The following ZCCHC9 variants were observed in gnomAD, a reference collection of about 807,000 sequenced individuals.
The protein encoded by ZCCHC9 is zinc finger CCHC domain-containing protein 9.
ZCCHC9 carries 18 observed loss-of-function variants against 30.8 expected under a neutral mutation model. The ratio of observed to expected loss-of-function variants is 0.58; its 90% CI spans 0.40 to 0.87. The LOEUF (loss-of-function observed/expected upper bound fraction) is 0.87, where lower values mean the gene tolerates loss of function less well. Among genes scored for constraint, ZCCHC9 ranks in the 40% least tolerant of loss-of-function variants. The probability of loss-of-function intolerance (pLI) is 0.00; values close to 1 mark genes in which losing one functional copy is unlikely to be tolerated. For missense variants in ZCCHC9, 279 were observed against 331.2 expected (o/e 0.84, Z 1.22); for synonymous variants, 94 against 106.7 (o/e 0.88, Z 0.73).
chr5:81,311,165 C>A, intron 4 of ZCCHC9, 46 bp from the exon 5 acceptor site: 1 of 1,604,716 alleles, frequency 6.2e-7, no homozygotes, highest in Non-Finnish European at 8.5e-7. Context: ...GTTAAAAACC[C>A]CTTGCAAGTA....
intron 4 of ZCCHC9, 106 bp downstream of exon 4, chr5:81,309,144 A>G: frequency 1.2e-6 from 1 of 819,990 alleles, no homozygotes; most frequent in Non-Finnish European, 1.9e-6. Context: ...ATAAATTGCA[A>G]AACCTTGAGA....
In ZCCHC9 at chr5:81,312,716, C is replaced by T; in HGVS notation, c.*54C>T. The T allele has an allele frequency of 7.4e-7, 1 of 1,348,642 alleles. No individual in the cohort carries two copies. Among genetic ancestry groups the T allele is most frequent in the South Asian group, 1.2e-5 (1 of 81,830 alleles). 83.5% of individuals were successfully genotyped at this position (1,348,642 alleles called of 1,614,324 possible). ...CCTCATTGTTACTTTCTAAACCAGG[C>T]CCGCTTCACGAGTTAGAGTTGAGCT... On this transcript the variant is annotated 3_prime_UTR_variant, in exon 6 of 6. Coordinates refer to ENST00000407610, the MANE Select transcript of ZCCHC9 (RefSeq NM_001131035.2).
At chr5:81,308,354 T>A (rs1471214156) in intron 2 of ZCCHC9, 2 of 515,030 alleles carry the variant, frequency 3.9e-6, no homozygotes, top group Non-Finnish European at 6.4e-6. Flanking sequence ...ATTTATTGAT[T>A]GAGGTTTTCA....
chr5:81,304,187 G>A (rs12517538), intron 1 of ZCCHC9: 12,416 of 152,280 alleles, frequency 0.082, 578 homozygotes, highest in Middle Eastern at 0.19. Context: ...GAGGAAGCCC[G>A]GGATCATCCT....
chr5:81,311,567 CCAATT>C lies in ZCCHC9; in HGVS notation c.697+290_697+294del, dbSNP rs1190217459. On this transcript the variant is annotated intron_variant, in intron 5 of 5. Coordinates refer to ENST00000407610, the MANE Select transcript of ZCCHC9 (RefSeq NM_001131035.2). ...AACTAATGAATTTAATATAATAGAG[CCAATT>C]CTGTTACTTACAGAAAAATATGAAT... Among the ~76,000 whole-genome samples, 4 of 151,964 alleles carry C rather than the reference CCAATT, an allele frequency of 2.6e-5. No individual in the cohort carries two copies. The East Asian group carries it at 7.7e-4, about 29-fold the overall frequency.
Position 81,312,725 on chromosome 5 carries a change from C to A in ZCCHC9, c.*63C>A. The A allele has an allele frequency of 7.9e-7, 1 of 1,273,710 alleles. No homozygotes were observed. The highest frequency in any genetic ancestry group is 1.3e-5 in the South Asian group (1 of 78,872). The allele number at this position is 1,273,710 out of a possible 1,614,324, so 78.9% of individuals were successfully genotyped here. On this transcript the variant is annotated 3_prime_UTR_variant, in exon 6 of 6. Transcript: ENST00000407610. ...TACTTTCTAAACCAGGCCCGCTTCA[C>A]GAGTTAGAGTTGAGCTCCCCTGTAG...
At chr5:81,307,994 CAAAAAAAAAAA>C (rs11322486) in intron 2 of ZCCHC9, among the ~76,000 whole-genome samples, 3 of 30,300 alleles carry the variant, frequency 9.9e-5, no homozygotes, top group South Asian at 1.9e-3. Context: ...GACTCCGTCT[CAAAAAAAAAAA>C]AAAAAAAAAA....
Position 81,308,022 on chromosome 5 carries a change from AATCTATCT to A in ZCCHC9, c.385-510_385-503del, listed in dbSNP as rs1554049990. Among the ~76,000 whole-genome samples the A allele has an allele frequency of 8.7e-3, 597 of 68,328 alleles. 10 individuals carry two copies. Among genetic ancestry groups the A allele is most frequent in the African/African-American group, 0.03 (563 of 18,632 alleles). The allele number at this position is 68,328 out of a possible 152,430, so 44.8% of individuals were successfully genotyped here. On this transcript the variant is annotated intron_variant, in intron 2 of 5. Coordinates refer to ENST00000407610, the MANE Select transcript of ZCCHC9 (RefSeq NM_001131035.2). ...AAAAAAAAAAAAAAAAAAAAAAAAA[AATCTATCT>A]ATCTATCTATCTATCTATCTATCTA... is the stretch of plus-strand genomic sequence containing the variant.
intron 2 of ZCCHC9, among the ~76,000 whole-genome samples, chr5:81,306,615 C>T (rs1052263675): frequency 1.3e-5 from 2 of 152,084 alleles, no homozygotes; most frequent in Admixed American, 6.6e-5. Context: ...TAGTATATGG[C>T]TTGTTATGAC....
chr5:81,309,250 G>C (rs1306526985), intron 4 of ZCCHC9: 1 of 420,700 alleles, frequency 2.4e-6, no homozygotes, highest in East Asian at 3.7e-5. Flanking sequence ...AAACTAAGGT[G>C]TATATTTCCA....
At chr5:81,311,959 G>A (rs1313695351) in intron 5 of ZCCHC9, among the ~76,000 whole-genome samples, 4 of 152,046 alleles carry the variant, frequency 2.6e-5, no homozygotes, top group African/African-American at 7.2e-5. Context: ...TTTATTTCAC[G>A]TAGTCACAAC....
intron 4 of ZCCHC9, chr5:81,309,270 G>T (rs1387116093): frequency 2.6e-6 from 1 of 378,632 alleles, no homozygotes; most frequent in South Asian, 7.2e-5. Flanking sequence ...AACTGTGCTT[G>T]CTTCATCATT....
chr5:81,311,215 C>A lies in ZCCHC9; in HGVS notation c.633C>A (p.Gly211=), dbSNP rs770595039. ...DNPKGLYADG[G]GCKLCGSVEH... ...GTGGCTTTGCTCTTTCAATAGGTGG[C>A]GGTTGCAAACTTTGTGGCTCTGTGG... The change falls in exon 5 of 6, where the codon GGC becomes GGA. Residue 211 remains glycine, a synonymous_variant. Transcript: ENST00000407610. 2.5e-6 allele frequency: 4 copies of A among 1,613,982 alleles called. No homozygotes were observed. The highest frequency in any genetic ancestry group is 2.2e-5 in the East Asian group (1 of 44,872).
Position 81,304,786 on chromosome 5 carries a change from C to T in ZCCHC9, c.29C>T (p.Thr10Ile), listed in dbSNP as rs761136688. The T allele has an allele frequency of 1.2e-5, 19 of 1,605,000 alleles. No individual in the cohort carries two copies. The East Asian group carries it at 4.2e-4, about 36-fold the overall frequency. Residue 10 changes from threonine (T) to isoleucine (I), a missense_variant, in exon 2 of 6, where the codon ACA becomes ATA. By Grantham distance (89) the Thr-to-Ile change is moderately conservative. Coordinates refer to ENST00000407610, the MANE Select transcript of ZCCHC9 (RefSeq NM_001131035.2). Reference protein sequence around the residue: MTRWARVSTTYNKRPLPATS... With the variant: MTRWARVSTIYNKRPLPATS... ...ACCAGGTGGGCCCGAGTTAGTACCA[C>T]ATATAACAAGAGACCCTTGCCTGCA...
chr5:81,301,612 C>G lies in ZCCHC9; in HGVS notation c.-104C>G, dbSNP rs577472775. 70 of 152,428 alleles carry G rather than the reference C, an allele frequency of 4.6e-4. No homozygotes were observed. Among genetic ancestry groups the G allele is most frequent in the African/African-American group, 1.7e-3 (69 of 41,596 alleles). 9.4% of individuals were successfully genotyped at this position (152,428 alleles called of 1,614,324 possible). A position where few individuals can be genotyped will look rare whatever the true frequency, so the allele number is the denominator to read the frequency against. On this transcript the variant is annotated 5_prime_UTR_variant, in exon 1 of 6. Coordinates refer to ENST00000407610, the MANE Select transcript of ZCCHC9 (RefSeq NM_001131035.2). ...ACTATGTGCTTCCGGTCTCCAATACCGCAGGAGGGCGGTCTTCCCCGGCTC... is the reference window on the plus strand; with the variant it reads ...ACTATGTGCTTCCGGTCTCCAATACGGCAGGAGGGCGGTCTTCCCCGGCTC...
intron 4 of ZCCHC9, among the ~76,000 whole-genome samples, chr5:81,309,874 C>G (rs1758220536): frequency 6.6e-6 from 1 of 151,808 alleles, no homozygotes; most frequent in Non-Finnish European, 1.5e-5. Flanking sequence ...TTGGTGGGTC[C>G]CATATAATTG....
At chr5:81,308,051 A>ATCTG (rs752962491) in intron 2 of ZCCHC9, among the ~76,000 whole-genome samples, 3,889 of 142,704 alleles carry the variant, frequency 0.027, 102 homozygotes, top group Middle Eastern at 0.047. Flanking sequence ...CTATCTATCT[A>ATCTG]TCTATCTTAT....
intron 2 of ZCCHC9, among the ~76,000 whole-genome samples, chr5:81,306,394 G>A (rs1421738106): frequency 6.6e-6 from 1 of 152,092 alleles, no homozygotes; most frequent in African/African-American, 2.4e-5. Flanking sequence ...TGAATAGAAA[G>A]GATAACATTT....
At chr5:81,308,112 A>T (rs1353441039) in intron 2 of ZCCHC9, among the ~76,000 whole-genome samples, 3 of 151,048 alleles carry the variant, frequency 2.0e-5, no homozygotes, top group Non-Finnish European at 4.4e-5. Context: ...TCATTCAATT[A>T]TGTGAACTTT....
Sources: allele counts gnomAD v4.1 joint callset (sites outside exome capture counted in the v4.1 genomes callset), GRCh38; gene constraint gnomAD v4.1.1; transcripts MANE v1.5; gene names NCBI Gene and HGNC (gene_info 2026-07-23, HGNC 2026-07-21).